The following ZNF44 variants were observed in gnomAD, a reference collection of about 807,000 sequenced individuals.
The protein encoded by ZNF44 is zinc finger protein 44.
In ZNF44, 9 loss-of-function variants were observed where a neutral mutation model predicts 11.7. That is an observed-to-expected ratio of 0.77 (90% CI 0.46 to 1.35). The LOEUF is 1.35. Ranked by LOEUF, ZNF44 falls within the 40% of genes most tolerant of loss-of-function variation. ZNF44 has a pLI of 0.00. For missense variants in ZNF44, 696 were observed against 743.1 expected, an observed-to-expected ratio of 0.94 and a Z score of 0.74; for synonymous variants, 224 against 242.7, an observed-to-expected ratio of 0.92 and a Z score of 0.72.
At chr19:12,227,743 A>G (rs941100340) in intron 3 of ZNF44, among the ~76,000 whole-genome samples, 15 of 152,238 alleles carry the variant, frequency 9.9e-5, no homozygotes, top group African/African-American at 3.6e-4. Context: ...TCAGAATTAT[A>G]GGAGTCTCCC....
intron 1 of ZNF44, chr19:12,284,867 C>A (rs749383250): frequency 1.1e-4 from 84 of 799,892 alleles, no homozygotes; most frequent in Non-Finnish European, 1.5e-4. Flanking sequence ...CAGGCCACTG[C>A]GGCTCTGTGC....
intron 3 of ZNF44, 120 bp from the exon 4 acceptor site, chr19:12,274,183 A>G (rs1351880991): frequency 1.3e-5 from 10 of 798,882 alleles, no homozygotes; most frequent in Admixed American, 8.0e-5. Context: ...TCCTGCTTCA[A>G]TGTGAATGGA....
chr19:12,292,865 T>TTG, intron 1 of ZNF44, among the ~76,000 whole-genome samples: 1 of 121,452 alleles, frequency 8.2e-6, no homozygotes, highest in African/African-American at 3.9e-5. Flanking sequence ...GTTTTTTTTT[T>TTG]TTTTTTTTTT....
At chr19:12,283,389 C>G (rs190304349) in intron 1 of ZNF44, among the ~76,000 whole-genome samples, 2 of 152,106 alleles carry the variant, frequency 1.3e-5, no homozygotes, top group African/African-American at 4.8e-5. Flanking sequence ...AGTGCAGTGG[C>G]GTGATCTTGG....
intron 5 of ZNF44, among the ~76,000 whole-genome samples, chr19:12,262,097 G>T (rs1187099014): frequency 6.6e-6 from 1 of 151,982 alleles, no homozygotes; most frequent in African/African-American, 2.4e-5. Context: ...ATCCCAGAGG[G>T]CAGTGCTTTC....
At chr19:12,292,123 C>T (rs1448107861) in intron 1 of ZNF44, among the ~76,000 whole-genome samples, 1 of 151,456 alleles carries the variant, frequency 6.6e-6, no homozygotes, top group Non-Finnish European at 1.5e-5. Context: ...GAGCCCGGGA[C>T]TTCAAGACCA....
At chr19:12,268,145 GACACACACACACACAC>G (rs71166661), downstream of ZNF44, among the ~76,000 whole-genome samples, 15 of 136,852 alleles carry the variant, frequency 1.1e-4, no homozygotes, top group African/African-American at 2.2e-4. Context: ...CACACACACA[GACACACACACACACAC>G]ACACACACAC....
At chr19:12,287,819 C>T (rs961184121) in intron 1 of ZNF44, among the ~76,000 whole-genome samples, 1 of 152,106 alleles carries the variant, frequency 6.6e-6, no homozygotes, top group Non-Finnish European at 1.5e-5. Flanking sequence ...TTTGGGTAGA[C>T]ACCCTGTAGT....
chr19:12,254,224 A>G (rs146378662), intron 5 of ZNF44, among the ~76,000 whole-genome samples: 1 of 152,280 alleles, frequency 6.6e-6, no homozygotes, highest in African/African-American at 2.4e-5. Context: ...TATATAAAAT[A>G]TGCTTGCAGA....
At chr19:12,271,144 T>A (rs1480066711), downstream of ZNF44, among the ~76,000 whole-genome samples, 1 of 152,196 alleles carries the variant, frequency 6.6e-6, no homozygotes, top group African/African-American at 2.4e-5. Flanking sequence ...GCAGCAGATC[T>A]TGGGGCATCT....
At chr19:12,232,583 A>G (rs895416483) in intron 2 of ZNF44, among the ~76,000 whole-genome samples, 1 of 152,216 alleles carries the variant, frequency 6.6e-6, no homozygotes, top group East Asian at 1.9e-4. Context: ...TGTTTAACAA[A>G]GCACATCTTG....
chr19:12,274,093 G>T (rs199920521), intron 3 of ZNF44, 30 bp from the exon 4 acceptor site: 4 of 1,525,896 alleles, frequency 2.6e-6, no homozygotes, highest in Non-Finnish European at 2.7e-6. Flanking sequence ...CATTACTAAA[G>T]GTTTATTATT....
intron 5 of ZNF44, chr19:12,260,328 G>T: frequency 1.1e-6 from 1 of 923,364 alleles, no homozygotes; most frequent in South Asian, 1.4e-5. Flanking sequence ...GCAGAGATCC[G>T]GCCAGCCGAA....
chr19:12,284,632 C>A, intron 1 of ZNF44: 1 of 752,754 alleles, frequency 1.3e-6, no homozygotes. Flanking sequence ...GTTTTGATTA[C>A]ACCAGTGCAG....
chr19:12,266,961 G>A (rs1294923088), downstream of ZNF44, among the ~76,000 whole-genome samples: 1 of 152,100 alleles, frequency 6.6e-6, no homozygotes, highest in Non-Finnish European at 1.5e-5. Context: ...CAGGGGTCAG[G>A]AATTTGGAAA....
intron 5 of ZNF44, chr19:12,260,134 G>T: frequency 1.4e-6 from 1 of 728,648 alleles, no homozygotes; most frequent in South Asian, 1.4e-5. Context: ...CCATGTCCGC[G>T]CATCTGCAAT....
upstream of ZNF44, among the ~76,000 whole-genome samples, chr19:12,241,410 C>T (rs1464295151): frequency 3.3e-5 from 5 of 152,168 alleles, no homozygotes; most frequent in Non-Finnish European, 7.3e-5. Context: ...AGAATAGAGG[C>T]CAGGCACGGT....
chr19:12,231,691 ACT>A (rs368378742), intron 2 of ZNF44, among the ~76,000 whole-genome samples: 2 of 152,330 alleles, frequency 1.3e-5, no homozygotes, highest in East Asian at 3.9e-4. Flanking sequence ...GGAAAAAAAC[ACT>A]GTTAGGAGGA....
chr19:12,276,604 C>T (rs1255841455), intron 1 of ZNF44, among the ~76,000 whole-genome samples: 1 of 152,158 alleles, frequency 6.6e-6, no homozygotes, highest in African/African-American at 2.4e-5. Context: ...TAACTTCCCT[C>T]TGAGAGTTTG....
Sources: gnomAD v4.1 joint callset for allele counts (sites outside exome capture counted in the v4.1 genomes callset) on GRCh38, gnomAD v4.1.1 for gene constraint, MANE v1.5 for transcripts, NCBI Gene and HGNC (gene_info 2026-07-23, HGNC 2026-07-21) for gene names.